Variants in USP13 observed in about 807,000 individuals in gnomAD.
The protein encoded by USP13 is ubiquitin specific peptidase 13.
USP13 carries 68 observed loss-of-function variants against 107.8 expected under a neutral mutation model. That is an observed-to-expected ratio of 0.63 (90% CI 0.52 to 0.77). The LOEUF is 0.77. Among genes scored for constraint, USP13 ranks in the 30% least tolerant of loss-of-function variants. The pLI is 0.00. For synonymous variants in USP13, 377 were observed against 389.5 expected, an observed-to-expected ratio of 0.97 and a Z score of 0.38; for missense variants, 945 against 1,093.3, an observed-to-expected ratio of 0.86 and a Z score of 1.91.
chr3:179,739,037 A>T (rs914032254), intron 10 of USP13, among the ~76,000 whole-genome samples: 7 of 151,592 alleles, frequency 4.6e-5, no homozygotes, highest in Non-Finnish European at 1.0e-4. Flanking sequence ...TTTGTGGGGG[A>T]ACATTGGTGG....
At position 179,669,234 on chromosome 3, in the gene USP13, G is replaced by A. The variant is rs567734321; in HGVS notation, c.169-12644G>A. Among the ~76,000 whole-genome samples, 7 of 152,326 alleles carry A rather than the reference G, an allele frequency of 4.6e-5. No homozygotes were observed. The South Asian group carries it at 1.4e-3, about 32-fold the overall frequency. ...CCAGCACTTTGGGAGGCCAAGGCAA[G>A]CAGATCACCTGAGGTCAGGAGTTTG... On this transcript the variant is annotated intron_variant, in intron 1 of 20. Coordinates refer to ENST00000263966, the MANE Select transcript of USP13 (RefSeq NM_003940.3).
At chr3:179,753,039 T>G (rs932351835) in intron 14 of USP13, among the ~76,000 whole-genome samples, 13 of 152,240 alleles carry the variant, frequency 8.5e-5, no homozygotes, top group African/African-American at 3.1e-4. Context: ...AGCATTAAGA[T>G]CTAATACAAA....
At position 179,785,571 on chromosome 3, in the gene USP13, G is replaced by C. The variant is rs1715894997; in HGVS notation, c.*1430G>C. ...GTCAAACGAAAAAGAATTTATTGCTGTCTGTTTAACATGTATTTGTTTGGT... is the reference window on the plus strand; with the variant it reads ...GTCAAACGAAAAAGAATTTATTGCTCTCTGTTTAACATGTATTTGTTTGGT... On this transcript the variant is annotated 3_prime_UTR_variant, in exon 21 of 21. Transcript: ENST00000263966. 6.6e-6 allele frequency: 1 copy of C among 152,198 alleles called. No individual in the cohort carries two copies. Among genetic ancestry groups the C allele is most frequent in the African/African-American group, 2.4e-5 (1 of 41,426 alleles). The allele number at this position is 152,198 out of a possible 1,614,324, so 9.4% of individuals were successfully genotyped here.
intron 2 of USP13, among the ~76,000 whole-genome samples, chr3:179,683,545 G>A (rs1319232200): frequency 1.3e-5 from 2 of 152,178 alleles, no homozygotes; most frequent in Non-Finnish European, 2.9e-5. Flanking sequence ...TACGTGGATG[G>A]TAGCAGGCAA....
At chr3:179,663,409 C>G (rs539812795) in intron 1 of USP13, among the ~76,000 whole-genome samples, 1 of 152,352 alleles carries the variant, frequency 6.6e-6, no homozygotes, top group African/African-American at 2.4e-5. Context: ...TTGCTTCCAC[C>G]TTTTGGCTCC....
In USP13 at chr3:179,761,171, G is replaced by A; in HGVS notation, c.2008G>A (p.Ala670Thr). The change falls in exon 17 of 21, where the codon GCA (alanine) becomes ACA (threonine). Residue 670 changes from alanine to threonine, a missense_variant. Transcript: ENST00000263966. ...QLAEMGFPLE[A>T]CRKAVYFTGN... ...GGCCGAGATGGGTTTCCCGCTGGAA[G>A]CATGTCGCAAGGCTGTGTACTTCAC... 6.2e-7 allele frequency: 1 copy of A among 1,614,222 alleles called. No homozygotes were observed. The highest frequency in any genetic ancestry group is 1.1e-5 in the South Asian group (1 of 91,086).
chr3:179,740,446 G>A, intron 11 of USP13, 74 bp downstream of exon 11: 3 of 1,587,364 alleles, frequency 1.9e-6, no homozygotes, highest in Middle Eastern at 1.8e-4. Context: ...AGTCTGCTGT[G>A]GCTTGATCAG....
chr3:179,686,453 A>G (rs530513989), intron 2 of USP13, among the ~76,000 whole-genome samples: 1 of 152,180 alleles, frequency 6.6e-6, no homozygotes. Flanking sequence ...ATGGTGGCGC[A>G]TGCCTTAGTC....
intron 3 of USP13, among the ~76,000 whole-genome samples, chr3:179,698,976 T>G (rs1712412400): frequency 6.6e-6 from 1 of 151,964 alleles, no homozygotes; most frequent in Non-Finnish European, 1.5e-5. Context: ...TTTAAGCAAT[T>G]CCCTGCCTCA....
At chr3:179,656,234 G>A (rs1457332290) in intron 1 of USP13, among the ~76,000 whole-genome samples, 1 of 152,256 alleles carries the variant, frequency 6.6e-6, no homozygotes, top group Non-Finnish European at 1.5e-5. Context: ...TTGGCAAGTA[G>A]CAAGAAGTGA....
intron 1 of USP13, among the ~76,000 whole-genome samples, chr3:179,681,073 C>A (rs182286634): frequency 6.6e-6 from 1 of 152,248 alleles, no homozygotes; most frequent in Admixed American, 6.5e-5. Context: ...TTCCTAGAGC[C>A]TCTGAGGTGA....
chr3:179,678,019 G>A lies in USP13; in HGVS notation c.169-3859G>A, dbSNP rs776208122. Among the ~76,000 whole-genome samples the A allele has an allele frequency of 5.3e-5, 8 of 152,106 alleles. No homozygotes were observed. The highest frequency in any genetic ancestry group is 1.9e-4 in the East Asian group (1 of 5,200). ...TTTAAATTTCATGCAACTCTGTGTC[G>A]TGGGAATTATTGCTACGGCCATGTT... On this transcript the variant is annotated intron_variant, in intron 1 of 20. Transcript: ENST00000263966. This position sits in a 1 kb window ranked among gnomAD's most constrained non-coding sequence, Gnocchi z 4.2.
chr3:179,687,804 A>G (rs1388672249), intron 2 of USP13, among the ~76,000 whole-genome samples: 1 of 151,794 alleles, frequency 6.6e-6, no homozygotes, highest in Non-Finnish European at 1.5e-5. Flanking sequence ...TCTATGGCAC[A>G]CTGGCACTTA....
At chr3:179,686,889 C>G (rs937695040) in intron 2 of USP13, among the ~76,000 whole-genome samples, 12 of 152,198 alleles carry the variant, frequency 7.9e-5, no homozygotes, top group Non-Finnish European at 1.6e-4. Flanking sequence ...TGACACCATT[C>G]TTTCTTGGCT....
chr3:179,677,796 GT>G (rs1209361357), intron 1 of USP13, among the ~76,000 whole-genome samples: 3 of 151,806 alleles, frequency 2.0e-5, no homozygotes, highest in Non-Finnish European at 4.4e-5. Flanking sequence ...GTTGCCTAGT[GT>G]TTTTTTCTGA....
In USP13 at chr3:179,745,134, T is replaced by A. The variant is rs1714353858; in HGVS notation, c.1626T>A (p.Ser542Arg). 6.2e-7 allele frequency: 1 copy of A among 1,614,164 alleles called. No homozygotes were observed. The highest frequency in any genetic ancestry group is 2.2e-5 in the East Asian group (1 of 44,862). Residue 542 changes from serine (S) to arginine (R), a missense_variant, in exon 13 of 21, where the codon AGT (serine) becomes AGA (arginine). By Grantham distance (110) the Ser-to-Arg change is moderately radical. Coordinates refer to ENST00000263966, the MANE Select transcript of USP13 (RefSeq NM_003940.3). Reference protein sequence around the residue: ...PELVRAKIPFSACLQAFSEPE... With the variant: ...PELVRAKIPFRACLQAFSEPE... Reference sequence around the variant, plus strand: ...TGGTACGTGCCAAGATACCATTTAGTGCCTGCCTTCAGGCCTTCTCTGAAC... The same window carrying A: ...TGGTACGTGCCAAGATACCATTTAGAGCCTGCCTTCAGGCCTTCTCTGAAC...
intron 11 of USP13, 94 bp downstream of exon 11, chr3:179,740,466 C>T: frequency 1.7e-5 from 26 of 1,543,670 alleles, no homozygotes; most frequent in Non-Finnish European, 2.3e-5. Flanking sequence ...GAATGCCTCC[C>T]CACTCTCTTT....
rs760579873 is a variant in USP13, at chr3:179,708,760, A to G, written c.621-13A>G. The G allele has an allele frequency of 1.6e-5, 26 of 1,613,724 alleles. No individual in the cohort carries two copies. Among genetic ancestry groups the G allele is most frequent in the Non-Finnish European group, 2.0e-5 (24 of 1,179,870 alleles). On this transcript the variant is annotated splice_polypyrimidine_tract_variant and intron_variant, in intron 5 of 20. Transcript: ENST00000263966. ...GCCCTGGCTGTTCTGACTACTCTCC[A>G]ATGGCTTTCCAGTGGTTGGAAGTGT...
At chr3:179,669,083 A>G (rs1720667543) in intron 1 of USP13, among the ~76,000 whole-genome samples, 1 of 152,138 alleles carries the variant, frequency 6.6e-6, no homozygotes, top group African/African-American at 2.4e-5. Context: ...ATGAATCAGA[A>G]CCATTAGGAG....
Sources: gnomAD v4.1 joint callset for allele counts (sites outside exome capture counted in the v4.1 genomes callset) on GRCh38, gnomAD v4.1.1 for gene constraint, Gnocchi (gnomAD v3.1) non-coding constraint, MANE v1.5 for transcripts, NCBI Gene and HGNC (gene_info 2026-07-23, HGNC 2026-07-21) for gene names.